The following DENND3 variants were observed in gnomAD, a reference collection of about 807,000 sequenced individuals.
The protein encoded by DENND3 is DENN domain containing 3, also known as DENN domain-containing protein 3.
In DENND3, 88 loss-of-function variants were observed where a neutral mutation model predicts 135.1. That is an observed-to-expected ratio of 0.65 (90% confidence interval 0.55 to 0.78). The LOEUF is 0.78. Ranked by LOEUF, DENND3 falls within the 30% of genes least tolerant of loss-of-function variation. The pLI is 0.00. For synonymous variants in DENND3, 693 were observed against 712.3 expected (o/e 0.97, Z 0.43); for missense variants, 1,392 against 1,688.4 (o/e 0.82, Z 3.08).
rs1815850765 is a variant in DENND3, at chr8:141,130,293, T to C, written c.102+1484T>C. 6.6e-6 allele frequency among the ~76,000 whole-genome samples: 1 copy of C among 152,194 alleles called. No homozygotes were observed. Among genetic ancestry groups the C allele is most frequent in the African/African-American group, 2.4e-5 (1 of 41,450 alleles). On this transcript the variant is annotated intron_variant, in intron 1 of 22. Transcript: ENST00000519811. The surrounding 1 kb of genome is among the most constrained non-coding windows in gnomAD (Gnocchi z 4.2). ...CTGTGTTGCCCAGACTCATCTCCAA[T>C]TCCTGAGCTCAAGTGATCCTCCCGC...
Position 141,168,535 on chromosome 8 carries a change from G to A in DENND3, c.2275+10G>A. 1.3e-6 allele frequency: 2 copies of A among 1,592,534 alleles called. No homozygotes were observed. Among genetic ancestry groups the A allele is most frequent in the South Asian group, 2.2e-5 (2 of 89,690 alleles). On this transcript the variant is annotated intron_variant, in intron 13 of 22. Coordinates refer to ENST00000519811, the MANE Select transcript of DENND3 (RefSeq NM_001352890.3). This position sits in a 1 kb window ranked among gnomAD's most constrained non-coding sequence, Gnocchi z 6.2. The stretch of plus-strand genomic sequence containing the variant: ...GAGGCCTTGACTGTAGGTAAGAGGA[G>A]GCCTGGCACCATCACAGATTTTATT...
chr8:141,144,060 G>C lies in DENND3; in HGVS notation c.624-88G>C, dbSNP rs1817764504. 7 of 1,123,148 alleles carry C rather than the reference G, an allele frequency of 6.2e-6. No individual in the cohort carries two copies. Among genetic ancestry groups the C allele is most frequent in the Non-Finnish European group, 9.0e-6 (7 of 781,406 alleles). The allele number at this position is 1,123,148 out of a possible 1,614,324, so 69.6% of individuals were successfully genotyped here. On this transcript the variant is annotated intron_variant, in intron 4 of 22. Coordinates refer to ENST00000519811, the MANE Select transcript of DENND3 (RefSeq NM_001352890.3). This position sits in a 1 kb window ranked among gnomAD's most constrained non-coding sequence, Gnocchi z 4.4. Reference sequence around the variant, plus strand: ...TGGAGCTGCTGCTGCAGACGCTGGGGAGATTCCAGTGTGATTAGAAACGCT... The same window carrying C: ...TGGAGCTGCTGCTGCAGACGCTGGGCAGATTCCAGTGTGATTAGAAACGCT...
chr8:141,166,382 C>T lies in DENND3; in HGVS notation c.1746C>T (p.Ser582=), dbSNP rs1161178543. Residue 582 remains serine (S), a synonymous_variant, in exon 12 of 23, where the codon AGC becomes AGT. Transcript: ENST00000519811. The surrounding 1 kb of genome is among the most constrained non-coding windows in gnomAD (Gnocchi z 4.3). ...RLTDTAGCRG[S]SAVLNVTPKS... ...CGGACACCGCAGGCTGTAGGGGCAG[C>T]AGCGCAGGTGAGGGCTGCCCCCCAC... The T allele has an allele frequency of 2.5e-6, 4 of 1,611,154 alleles. No homozygotes were observed. The highest frequency in any genetic ancestry group is 3.3e-5 in the Admixed American group (2 of 59,976).
In DENND3 at chr8:141,176,726, A is replaced by C. The variant is rs764885568; in HGVS notation, c.2671A>C (p.Met891Leu). The change falls in exon 15 of 23, where the codon ATG (methionine) becomes CTG (leucine). Residue 891 changes from methionine (M) to leucine (L), a missense_variant. Met to Leu is a conservative substitution (Grantham distance 15, BLOSUM62 2). Coordinates refer to ENST00000519811, the MANE Select transcript of DENND3 (RefSeq NM_001352890.3). Reference sequence around the variant, plus strand: ...CCTTTGGCACCTGATGGTGAAGGAGATGTGGGCTGGGAAGAAGCTGGCCGA... The same window carrying C: ...CCTTTGGCACCTGATGGTGAAGGAGCTGTGGGCTGGGAAGAAGCTGGCCGA... Reference protein sequence around the residue: ...CDLWHLMVKEMWAGKKLADDH... With the variant: ...CDLWHLMVKELWAGKKLADDH... The C allele has an allele frequency of 1.9e-6, 3 of 1,613,898 alleles. No homozygotes were observed. Among genetic ancestry groups the C allele is most frequent in the Non-Finnish European group, 2.5e-6 (3 of 1,179,976 alleles).
intron 8 of DENND3, chr8:141,157,246 GCAGGGACTTTGGT>G: frequency 1.0e-6 from 1 of 955,618 alleles, no homozygotes; most frequent in African/African-American, 1.8e-5. Context: ...CAAAGGCTTG[GCAGGGACTTTGGT>G]CAGGGGAGGG....
chr8:141,157,298 C>A, intron 8 of DENND3: 2 of 985,374 alleles, frequency 2.0e-6, no homozygotes, highest in Non-Finnish European at 2.4e-6. Flanking sequence ...CTAATTACGT[C>A]AGGACGGAGG....
chr8:141,129,188 AC>A (rs1394015007), intron 1 of DENND3, among the ~76,000 whole-genome samples: 1 of 152,234 alleles, frequency 6.6e-6, no homozygotes, highest in African/African-American at 2.4e-5. Flanking sequence ...GGTGGGGTGC[AC>A]CAGACAACGG....
At chr8:141,192,292 G>A (rs1403610845) in intron 20 of DENND3, 39 bp from the exon 21 acceptor site, 1 of 1,608,500 alleles carries the variant, frequency 6.2e-7, no homozygotes, top group Non-Finnish European at 8.5e-7. Flanking sequence ...TGTTGCCAAT[G>A]ACACTGCCTG....
In DENND3 at chr8:141,167,858, T is replaced by C. The variant is rs1790658814; in HGVS notation, c.1754-146T>C. ...CTCATGCCTCCCAGGGGGGTGGGTG[T>C]GTGGAGCTTTCTGGAGGGAGCACAC... On this transcript the variant is annotated intron_variant, in intron 12 of 22. Coordinates refer to ENST00000519811, the MANE Select transcript of DENND3 (RefSeq NM_001352890.3). This position sits in a 1 kb window ranked among gnomAD's most constrained non-coding sequence, Gnocchi z 4.1. The C allele has an allele frequency of 8.8e-7, 1 of 1,137,758 alleles. No individual in the cohort carries two copies. The highest frequency in any genetic ancestry group is 1.2e-6 in the Non-Finnish European group (1 of 807,822). The allele number at this position is 1,137,758 out of a possible 1,614,324, so 70.5% of individuals were successfully genotyped here.
At chr8:141,145,998 G>A (rs993404990) in intron 5 of DENND3, among the ~76,000 whole-genome samples, 2 of 151,328 alleles carry the variant, frequency 1.3e-5, no homozygotes, top group Non-Finnish European at 3.0e-5. Flanking sequence ...ACAGGCGCGT[G>A]CCACCACGCT....
intron 22 of DENND3, 67 bp downstream of exon 22, chr8:141,192,730 T>C (rs1353242482): frequency 1.2e-6 from 2 of 1,608,942 alleles, no homozygotes; most frequent in Non-Finnish European, 1.7e-6. Flanking sequence ...CGCATCCCCA[T>C]GCTCCCGAGA....
At chr8:141,163,224 C>A in intron 9 of DENND3, 109 bp from the exon 10 acceptor site, 1 of 579,640 alleles carries the variant, frequency 1.7e-6, no homozygotes, top group Non-Finnish European at 3.1e-6. Context: ...AAGAACATGG[C>A]TTTTTCAAAG....
rs531282857 is a variant in DENND3 at position 141,172,723 on chromosome 8, G to A, written c.2276-2477G>A. Among the ~76,000 whole-genome samples the A allele has an allele frequency of 2.6e-5, 4 of 152,288 alleles. No homozygotes were observed. The East Asian group carries it at 7.7e-4, about 29-fold the overall frequency. ...CCACCTGACCAAAAGATTGCTTTAT[G>A]TGATGTGATTCATGTAACAAGTGCT... On this transcript the variant is annotated intron_variant, in intron 13 of 22. Coordinates refer to ENST00000519811, the MANE Select transcript of DENND3 (RefSeq NM_001352890.3).
intron 7 of DENND3, 128 bp from the exon 8 acceptor site, chr8:141,155,721 A>G: frequency 7.9e-7 from 1 of 1,265,260 alleles, no homozygotes; most frequent in South Asian, 1.6e-5. Context: ...TGTGCATTTT[A>G]AAGAGGGTCA....
chr8:141,158,553 C>A (rs1216079769), intron 8 of DENND3, among the ~76,000 whole-genome samples: 7 of 152,206 alleles, frequency 4.6e-5, no homozygotes, highest in Admixed American at 4.6e-4. Context: ...ACAAGCTAAT[C>A]CCTGTGCCAT....
intron 8 of DENND3, among the ~76,000 whole-genome samples, chr8:141,156,550 C>CCATT (rs971277784): frequency 2.6e-5 from 4 of 152,240 alleles, no homozygotes; most frequent in Admixed American, 6.5e-5. Flanking sequence ...AGTTCCCTAT[C>CCATT]CATTCATTCA....
chr8:141,153,345 T>C (rs1819041036), intron 7 of DENND3, among the ~76,000 whole-genome samples: 1 of 152,194 alleles, frequency 6.6e-6, no homozygotes, highest in African/African-American at 2.4e-5. Context: ...CCGCCCACCT[T>C]GGCCTTCCAA....
intron 13 of DENND3, among the ~76,000 whole-genome samples, chr8:141,172,956 AAAAT>A (rs1821819512): frequency 2.1e-5 from 2 of 94,530 alleles, no homozygotes; most frequent in South Asian, 6.2e-4. Flanking sequence ...AATAAAAACT[AAAAT>A]AAATCCAGCA....
Position 141,166,146 on chromosome 8 carries a change from A to G in DENND3, c.1554-44A>G. The G allele has an allele frequency of 1.3e-6, 2 of 1,582,100 alleles. No homozygotes were observed. The highest frequency in any genetic ancestry group is 1.7e-6 in the Non-Finnish European group (2 of 1,151,882). On this transcript the variant is annotated intron_variant, in intron 11 of 22. Transcript: ENST00000519811. The surrounding 1 kb of genome is among the most constrained non-coding windows in gnomAD (Gnocchi z 4.3). ...CTTAGTTTAGGCTTATTCTTCAATC[A>G]TTATTGTGTCTATAAACTAACGCGT...
Sources: gnomAD v4.1 joint callset for allele counts (sites outside exome capture counted in the v4.1 genomes callset) on GRCh38, gnomAD v4.1.1 for gene constraint, Gnocchi (gnomAD v3.1) non-coding constraint, MANE v1.5 for transcripts, NCBI Gene and HGNC (gene_info 2026-07-23, HGNC 2026-07-21) for gene names.